The following RIPOR3 variants were observed in gnomAD, a reference collection of about 807,000 sequenced individuals.
RIPOR3 encodes family with sequence similarity 65 member C.
Under a neutral mutation model 114.3 loss-of-function variants are expected in RIPOR3, and 95 were observed. That is an observed-to-expected ratio of 0.83 (90% CI 0.70 to 0.99). RIPOR3 has a LOEUF of 0.99. Ranked by LOEUF, RIPOR3 falls within the 50% of genes least tolerant of loss-of-function variation. The pLI, the probability that RIPOR3 is intolerant of heterozygous loss-of-function variation, is 0.00. For missense variants in RIPOR3, 1,252 were observed against 1,266.9 expected (o/e 0.99, Z 0.18); for synonymous variants, 575 against 543.8 (o/e 1.06, Z -0.80).
At chr20:50,659,635 G>A (rs1250586732) in intron 1 of RIPOR3, among the ~76,000 whole-genome samples, 2 of 107,852 alleles carry the variant, frequency 1.9e-5, no homozygotes, top group African/African-American at 4.1e-5. Flanking sequence ...TGACAAGAGC[G>A]AAACTCCGTC....
chr20:50,598,036 G>A (rs1198035259), intron 13 of RIPOR3, among the ~76,000 whole-genome samples: 1 of 152,236 alleles, frequency 6.6e-6, no homozygotes, highest in African/African-American at 2.4e-5. Context: ...GGGGACCAGG[G>A]AGGCAGGAGC....
chr20:50,687,282 A>G (rs1460925588), intron 1 of RIPOR3, among the ~76,000 whole-genome samples: 1 of 152,188 alleles, frequency 6.6e-6, no homozygotes, highest in African/African-American at 2.4e-5. Flanking sequence ...TCTCTACTCC[A>G]CCCGATCTCT....
At chr20:50,666,476 G>A (rs1052133195) in intron 1 of RIPOR3, among the ~76,000 whole-genome samples, 24 of 151,664 alleles carry the variant, frequency 1.6e-4, no homozygotes, top group African/African-American at 7.3e-5. Flanking sequence ...CACCTGCCCC[G>A]ACCTCTGAAA....
chr20:50,636,271 T>C (rs766482645), intron 1 of RIPOR3, among the ~76,000 whole-genome samples: 14 of 152,080 alleles, frequency 9.2e-5, no homozygotes, highest in Non-Finnish European at 1.8e-4. Flanking sequence ...CGACCAAGGG[T>C]GACATTCCTG....
chr20:50,604,857 T>C, intron 11 of RIPOR3, 83 bp from the exon 12 acceptor site: 1 of 1,526,952 alleles, frequency 6.5e-7, no homozygotes, highest in African/African-American at 1.4e-5. Flanking sequence ...GCTCTTAGGT[T>C]ATGCAGGTAG....
intron 1 of RIPOR3, among the ~76,000 whole-genome samples, chr20:50,677,279 G>A (rs1229721192): frequency 1.3e-5 from 2 of 151,584 alleles, no homozygotes; most frequent in Non-Finnish European, 2.9e-5. Context: ...CAGACACAGG[G>A]TCCAAACCCA....
At chr20:50,618,304 C>A (rs562132085) in intron 3 of RIPOR3, among the ~76,000 whole-genome samples, 1 of 119,892 alleles carries the variant, frequency 8.3e-6, no homozygotes, top group Non-Finnish European at 1.6e-5. Context: ...AAAAAAAAGG[C>A]GTAAGTAGGA....
chr20:50,609,587 G>T lies in RIPOR3; in HGVS notation c.562C>A (p.His188Asn), dbSNP rs1469440843. ...GCCCGGCCCACCTCGGCGCACTCGT[G>T]CAGGCTGCGGCCCAGCTCCTGCAGG... is the stretch of plus-strand genomic sequence containing the variant. Reference protein sequence around the residue: ...ESLQELGRSLHECAEDMWLIE... With the variant: ...ESLQELGRSLNECAEDMWLIE... The change falls in exon 7 of 22, where the codon CAC becomes AAC. Residue 188 changes from histidine to asparagine, a missense_variant. By Grantham distance (68) the His-to-Asn change is moderately conservative. Transcript: ENST00000327979. 7.0e-7 allele frequency: 1 copy of T among 1,421,036 alleles called. No individual in the cohort carries two copies. The highest frequency in any genetic ancestry group is 9.2e-7 in the Non-Finnish European group (1 of 1,091,306). The allele number at this position is 1,421,036 out of a possible 1,614,324, so 88.0% of individuals were successfully genotyped here.
chr20:50,668,033 G>T (rs2086317179), intron 1 of RIPOR3, among the ~76,000 whole-genome samples: 1 of 152,170 alleles, frequency 6.6e-6, no homozygotes, highest in Non-Finnish European at 1.5e-5. Flanking sequence ...TGGGGCAGGG[G>T]GTGGGAAGGG....
At chr20:50,587,576 G>A (rs2082961531) in intron 21 of RIPOR3, among the ~76,000 whole-genome samples, 1 of 152,174 alleles carries the variant, frequency 6.6e-6, no homozygotes, top group Non-Finnish European at 1.5e-5. Flanking sequence ...TATCCCAAAG[G>A]TCTAAGAAGA....
At chr20:50,676,227 A>C (rs1159576887) in intron 1 of RIPOR3, among the ~76,000 whole-genome samples, 1 of 152,176 alleles carries the variant, frequency 6.6e-6, no homozygotes, top group Non-Finnish European at 1.5e-5. Context: ...CATGGGGCTG[A>C]AGGTCAGGGT....
At chr20:50,669,207 C>T (rs565328678) in intron 1 of RIPOR3, among the ~76,000 whole-genome samples, 5 of 152,286 alleles carry the variant, frequency 3.3e-5, no homozygotes, top group Admixed American at 6.5e-5. Flanking sequence ...CCAGCCACCC[C>T]GCTATTCATT....
chr20:50,590,816 T>C (rs1249663235), intron 19 of RIPOR3, among the ~76,000 whole-genome samples: 6 of 22,278 alleles, frequency 2.7e-4, no homozygotes, highest in Non-Finnish European at 3.8e-4. Flanking sequence ...ATGAAGGCCC[T>C]TTTTTTTTTT....
At chr20:50,681,963 A>C (rs2086874912) in intron 1 of RIPOR3, among the ~76,000 whole-genome samples, 1 of 152,226 alleles carries the variant, frequency 6.6e-6, no homozygotes, top group African/African-American at 2.4e-5. Flanking sequence ...CCACCCATTC[A>C]GGTGGCAAAA....
chr20:50,615,308 G>C (rs570874071), intron 4 of RIPOR3, among the ~76,000 whole-genome samples: 64 of 151,830 alleles, frequency 4.2e-4, no homozygotes, highest in African/African-American at 1.5e-3. Context: ...AGGATTGCTG[G>C]AGCCCAGGAG....
chr20:50,630,818 AG>A lies in RIPOR3; in HGVS notation c.41del (p.Pro14LeufsTer36). 6.2e-7 allele frequency: 1 copy of A among 1,610,296 alleles called. No individual in the cohort carries two copies. Among genetic ancestry groups the A allele is most frequent in the Non-Finnish European group, 8.5e-7 (1 of 1,178,768 alleles). ...TMSVRLRFLS[P>X]GDTGAVGVVG... ...CGACCCCCACGGCCCCTGTGTCCCC[AG>A]GGGACAGGAACCGCAACCTCACCGA... On this transcript the variant is annotated frameshift_variant, in exon 2 of 22. Transcript: ENST00000327979. LOFTEE classifies it high-confidence loss of function.
chr20:50,627,135 T>C (rs1268225034), intron 2 of RIPOR3, among the ~76,000 whole-genome samples: 2 of 150,324 alleles, frequency 1.3e-5, no homozygotes, highest in Non-Finnish European at 3.0e-5. Flanking sequence ...TGAGCCTAAA[T>C]TGCACCACTG....
intron 3 of RIPOR3, among the ~76,000 whole-genome samples, chr20:50,619,280 G>GA (rs550576851): frequency 3.1e-4 from 44 of 143,250 alleles, no homozygotes; most frequent in Admixed American, 1.8e-3. Context: ...CTCAAAAAAA[G>GA]AAAAAAAAAA....
At chr20:50,595,876 T>C (rs1189659623) in intron 15 of RIPOR3, among the ~76,000 whole-genome samples, 1 of 152,164 alleles carries the variant, frequency 6.6e-6, no homozygotes, top group Non-Finnish European at 1.5e-5. Context: ...GCTGAGCCAG[T>C]TTGCATTAGG....
Sources: allele counts gnomAD v4.1 joint callset (sites outside exome capture counted in the v4.1 genomes callset), GRCh38; gene constraint gnomAD v4.1.1; transcripts MANE v1.5; gene names NCBI Gene and HGNC (gene_info 2026-07-23, HGNC 2026-07-21).